ZNF420: variants seen among roughly 807,000 people sequenced by gnomAD.
ZNF420 encodes zinc finger protein 420.
A neutral mutation model predicts 44.7 loss-of-function variants in ZNF420; 31 were observed. That is an observed-to-expected ratio of 0.69 (90% CI 0.52 to 0.94). ZNF420 has a LOEUF of 0.94. Ranked by LOEUF, ZNF420 falls within the 40% of genes least tolerant of loss-of-function variation. The pLI, the probability that ZNF420 is intolerant of heterozygous loss-of-function variation, is 0.00. For synonymous variants in ZNF420, 245 were observed against 267.4 expected (o/e 0.92, Z 0.82); for missense variants, 681 against 827.9 (o/e 0.82, Z 2.18).
At chr19:37,038,770 T>C (rs1444671694) in intron 1 of ZNF420, among the ~76,000 whole-genome samples, 1 of 152,070 alleles carries the variant, frequency 6.6e-6, no homozygotes, top group Non-Finnish European at 1.5e-5. Context: ...CTCACCTACA[T>C]GGAGAAACCC....
chr19:37,120,996 C>A (rs375635225), intron 4 of ZNF420, among the ~76,000 whole-genome samples: 2,839 of 151,970 alleles, frequency 0.019, 75 homozygotes, highest in East Asian at 0.049. Context: ...AATGGAAGAA[C>A]ATTACATGCT....
chr19:37,057,436 T>G (rs1419152425), intron 1 of ZNF420, among the ~76,000 whole-genome samples: 1 of 39,108 alleles, frequency 2.6e-5, no homozygotes, highest in Non-Finnish European at 6.0e-5. Flanking sequence ...GCTGTATGTC[T>G]GTGTGTGTGT....
chr19:37,025,168 A>G (rs774628110), intron 1 of ZNF420: 14 of 428,176 alleles, frequency 3.3e-5, no homozygotes, highest in Admixed American at 3.0e-4. Context: ...TCTATGATGT[A>G]CAGAAAGTTG....
chr19:37,087,290 A>AAAAAT (rs1555756785), intron 2 of ZNF420, among the ~76,000 whole-genome samples: 51 of 83,460 alleles, frequency 6.1e-4, no homozygotes, highest in East Asian at 1.8e-3. Context: ...CTCAAAAAAA[A>AAAAAT]AAATAAATAA....
chr19:37,099,393 T>C (rs1204125620), intron 4 of ZNF420, among the ~76,000 whole-genome samples: 2 of 152,216 alleles, frequency 1.3e-5, no homozygotes, highest in African/African-American at 4.8e-5. Context: ...TGAGGTGATA[T>C]CTGATTGTAG....
At chr19:37,114,100 G>A (rs560530762) in intron 4 of ZNF420, among the ~76,000 whole-genome samples, 1 of 152,242 alleles carries the variant, frequency 6.6e-6, no homozygotes, top group East Asian at 1.9e-4. Flanking sequence ...CTCTTCTTCA[G>A]GTGGTATCGG....
intron 1 of ZNF420, among the ~76,000 whole-genome samples, chr19:37,022,510 A>G (rs1043771420): frequency 3.3e-5 from 5 of 152,196 alleles, no homozygotes; most frequent in African/African-American, 1.2e-4. Flanking sequence ...ATTCAAATTC[A>G]AAAAGGGATG....
At chr19:37,104,604 A>C (rs938687985) in intron 4 of ZNF420, among the ~76,000 whole-genome samples, 2 of 152,188 alleles carry the variant, frequency 1.3e-5, no homozygotes, top group African/African-American at 4.8e-5. Context: ...TCCCACCAAC[A>C]GTGTAAAAGT....
At chr19:37,057,477 ACTCT>A (rs1370377059) in intron 1 of ZNF420, among the ~76,000 whole-genome samples, 1 of 137,894 alleles carries the variant, frequency 7.3e-6, no homozygotes, top group Non-Finnish European at 1.6e-5. Context: ...TCTGTCTCTC[ACTCT>A]CTGTCTGTTT....
At chr19:37,068,953 A>G (rs1968013600) in intron 1 of ZNF420, among the ~76,000 whole-genome samples, 1 of 152,126 alleles carries the variant, frequency 6.6e-6, no homozygotes, top group African/African-American at 2.4e-5. Context: ...CACACTATAA[A>G]CCAAAAATTA....
intron 4 of ZNF420, chr19:37,108,261 GATCT>G (rs951054915): frequency 1.3e-5 from 2 of 152,126 alleles, no homozygotes; most frequent in African/African-American, 4.8e-5. Flanking sequence ...GAATCTTTTG[GATCT>G]ATTTAAAATG....
At chr19:37,068,175 G>A (rs1968000531) in intron 1 of ZNF420, among the ~76,000 whole-genome samples, 2 of 152,032 alleles carry the variant, frequency 1.3e-5, no homozygotes, top group Non-Finnish European at 2.9e-5. Flanking sequence ...ACTTAAGTAT[G>A]TCCTGTTAAA....
chr19:37,096,842 G>C lies in ZNF420; in HGVS notation c.136+5721G>C, dbSNP rs910228193. Among the ~76,000 whole-genome samples the C allele has an allele frequency of 2.6e-5, 4 of 151,416 alleles. No homozygotes were observed. The South Asian group carries it at 6.2e-4, about 24-fold the overall frequency. On this transcript the variant is annotated intron_variant, in intron 4 of 4. Coordinates refer to ENST00000337995, the MANE Select transcript of ZNF420 (RefSeq NM_144689.5). ...CAATATTGAATCCTTTTATTGTTCA[G>C]CATGCTAAATCTGCTTTTCTTTTTA... is the stretch of plus-strand genomic sequence containing the variant.
chr19:37,128,580 C>T lies in ZNF420; in HGVS notation c.1589C>T (p.Pro530Leu). ...CAAAGACTTCACACTGGTGAGAAACCCTATGTGTGTAATGAATGTGGAAAG... is the reference window on the plus strand; with the variant it reads ...CAAAGACTTCACACTGGTGAGAAACTCTATGTGTGTAATGAATGTGGAAAG... ...QHQRLHTGEK[P>L]YVCNECGKAF... Residue 530 changes from proline to leucine, a missense_variant, in exon 5 of 5, where the codon CCC becomes CTC. Coordinates refer to ENST00000337995, the MANE Select transcript of ZNF420 (RefSeq NM_144689.5). The T allele has an allele frequency of 6.2e-7, 1 of 1,613,664 alleles. No individual in the cohort carries two copies. The highest frequency in any genetic ancestry group is 8.5e-7 in the Non-Finnish European group (1 of 1,179,870).
At chr19:37,101,870 T>A (rs1336737435) in intron 4 of ZNF420, among the ~76,000 whole-genome samples, 3 of 152,180 alleles carry the variant, frequency 2.0e-5, no homozygotes, top group African/African-American at 7.2e-5. Flanking sequence ...GGGCTGGAGC[T>A]GAGACTGGGC....
At chr19:37,075,881 A>G (rs186424270), upstream of ZNF420, among the ~76,000 whole-genome samples, 415 of 152,278 alleles carry the variant, frequency 2.7e-3, 2 homozygotes, top group South Asian at 0.016. Context: ...CCTAAAGGTT[A>G]CCATTAGCAG....
chr19:37,123,599 C>CTTTTTTTTTTTTTT lies in ZNF420; in HGVS notation c.137-3519_137-3506dup, dbSNP rs762782458. Among the ~76,000 whole-genome samples the CTTTTTTTTTTTTTT allele has an allele frequency of 2.9e-4, 23 of 80,326 alleles. 3 individuals are homozygous for CTTTTTTTTTTTTTT. Among genetic ancestry groups the CTTTTTTTTTTTTTT allele is most frequent in the African/African-American group, 1.0e-3 (18 of 17,268 alleles). 52.7% of individuals were successfully genotyped at this position (80,326 alleles called of 152,430 possible). On this transcript the variant is annotated intron_variant, in intron 4 of 4. Coordinates refer to ENST00000337995, the MANE Select transcript of ZNF420 (RefSeq NM_144689.5). ...CTTCTTTATTTTCTTTTACTCTTGT[C>CTTTTTTTTTTTTTT]TTTTTTTTTTTTTTTTTTTTTTTGA...
chr19:37,018,840 G>A (rs2074626343), intron 1 of ZNF420, among the ~76,000 whole-genome samples: 1 of 152,178 alleles, frequency 6.6e-6, no homozygotes, highest in African/African-American at 2.4e-5. Flanking sequence ...AAAATGCTGG[G>A]ATTACAGGCA....
At chr19:37,091,207 A>G in intron 4 of ZNF420, 86 bp downstream of exon 4, 1 of 1,308,460 alleles carries the variant, frequency 7.6e-7, no homozygotes. Flanking sequence ...TTTTTAAGTA[A>G]TTAACTGAAT....
Sources: gnomAD v4.1 joint callset for allele counts (sites outside exome capture counted in the v4.1 genomes callset) on GRCh38, gnomAD v4.1.1 for gene constraint, MANE v1.5 for transcripts, NCBI Gene and HGNC (gene_info 2026-07-23, HGNC 2026-07-21) for gene names.